Variants in VIRMA observed in about 807,000 individuals in gnomAD.
VIRMA encodes the protein protein virilizer homolog.
A neutral mutation model predicts 182.4 loss-of-function variants in VIRMA; 65 were observed. That is an observed-to-expected ratio of 0.36 (90% CI 0.29 to 0.44). The LOEUF is 0.44. VIRMA is among the 20% of genes least tolerant of loss of function. VIRMA has a pLI of 1.00. For missense variants in VIRMA, 1,752 were observed against 2,158.1 expected, an observed-to-expected ratio of 0.81 and a Z score of 3.73; for synonymous variants, 709 against 743.1, an observed-to-expected ratio of 0.95 and a Z score of 0.75.
At chr8:94,514,060 A>G (rs1313082657) in intron 11 of VIRMA, among the ~76,000 whole-genome samples, 1 of 150,572 alleles carries the variant, frequency 6.6e-6, no homozygotes, top group Non-Finnish European at 1.5e-5. Flanking sequence ...CAATTCCAAA[A>G]CCAAGATGGC....
At chr8:94,538,193 G>C (rs1815407930) in intron 3 of VIRMA, 67 bp downstream of exon 3, 3 of 998,624 alleles carry the variant, frequency 3.0e-6, no homozygotes, top group Non-Finnish European at 4.8e-6. Flanking sequence ...TCTATCTAAA[G>C]AATCAATCAA....
At chr8:94,546,444 T>C (rs1379583184) in intron 1 of VIRMA, among the ~76,000 whole-genome samples, 1 of 151,288 alleles carries the variant, frequency 6.6e-6, no homozygotes, top group Non-Finnish European at 1.5e-5. Flanking sequence ...TAAGTCCTAT[T>C]GATTAAAGCT....
chr8:94,503,303 G>A (rs1814055303), intron 16 of VIRMA, among the ~76,000 whole-genome samples: 1 of 152,210 alleles, frequency 6.6e-6, no homozygotes, highest in African/African-American at 2.4e-5. Flanking sequence ...AATCCTAGAA[G>A]ATAGCACTTC....
intron 19 of VIRMA, among the ~76,000 whole-genome samples, 198 bp from the exon 20 acceptor site, chr8:94,495,154 C>T (rs1813727270): frequency 6.6e-6 from 1 of 152,006 alleles, no homozygotes; most frequent in African/African-American, 2.4e-5. Context: ...GTGTGTACCA[C>T]CACACCCAGC....
At chr8:94,539,398 T>C (rs968558306) in intron 2 of VIRMA, among the ~76,000 whole-genome samples, 1 of 152,182 alleles carries the variant, frequency 6.6e-6, no homozygotes, top group Non-Finnish European at 1.5e-5. Flanking sequence ...TTGGTTAATA[T>C]CAGAGCCTAT....
At chr8:94,522,634 A>G (rs932964380) in intron 8 of VIRMA, among the ~76,000 whole-genome samples, 5 of 152,142 alleles carry the variant, frequency 3.3e-5, no homozygotes, top group Non-Finnish European at 7.3e-5. Flanking sequence ...CCCTTCGCCT[A>G]CTAGGTCCTG....
rs143324426 is a variant in VIRMA at position 94,526,448 on chromosome 8, G to A, written c.1796C>T (p.Pro599Leu). ...DTDAGLERTNPEYENEVEASM... is the reference protein window; with the variant it reads ...DTDAGLERTNLEYENEVEASM... ...AGCTTCCACCTCATTTTCATATTCT[G>A]GGTTTGTTCTCTCAAGTCCAGCATC... Residue 599 changes from proline to leucine, a missense_variant, in exon 8 of 24, where the codon CCA becomes CTA. Physicochemically the swap from Pro to Leu is moderately conservative, Grantham distance 98 (BLOSUM62 -3). Coordinates refer to ENST00000297591, the MANE Select transcript of VIRMA (RefSeq NM_015496.5). The A allele has an allele frequency of 2.0e-5, 32 of 1,613,706 alleles. No individual in the cohort carries two copies. The highest frequency in any genetic ancestry group is 4.0e-5 in the African/African-American group (3 of 74,842).
rs1813753048 is a variant in VIRMA at position 94,495,775 on chromosome 8, T to C, written c.4500A>G (p.Pro1500=). 3 of 1,614,006 alleles carry C rather than the reference T, an allele frequency of 1.9e-6. No individual in the cohort carries two copies. The highest frequency in any genetic ancestry group is 2.5e-6 in the Non-Finnish European group (3 of 1,179,926). ...GAAGAGATTCTGGAGCTGAAAGTAC[T>C]GGTTCTACATCCTGGTCACTGAGAG... ...PLPLSDQDVE[P]VLSAPESLQN... The change falls in exon 19 of 24, where the codon CCA becomes CCG. Residue 1500 remains proline, a synonymous_variant. Transcript: ENST00000297591.
intron 4 of VIRMA, among the ~76,000 whole-genome samples, chr8:94,536,176 G>A (rs1409586709): frequency 2.0e-5 from 3 of 152,226 alleles, no homozygotes; most frequent in African/African-American, 7.2e-5. Flanking sequence ...ACTACACAGG[G>A]AAACTGGGGA....
chr8:94,515,209 G>T (rs1380220856), intron 10 of VIRMA, among the ~76,000 whole-genome samples: 3 of 151,308 alleles, frequency 2.0e-5, no homozygotes, highest in Non-Finnish European at 4.4e-5. Context: ...CAATTCTCCT[G>T]CCTCAGCCTC....
At chr8:94,549,537 A>G (rs2130402319) in intron 1 of VIRMA, among the ~76,000 whole-genome samples, 1 of 152,294 alleles carries the variant, frequency 6.6e-6, no homozygotes, top group South Asian at 2.1e-4. Flanking sequence ...TCCTGTCTCT[A>G]AAACTAGAAT....
At chr8:94,542,934 G>A (rs898668644) in intron 2 of VIRMA, among the ~76,000 whole-genome samples, 1 of 151,892 alleles carries the variant, frequency 6.6e-6, no homozygotes, top group African/African-American at 2.4e-5. Flanking sequence ...TTTTGAGACA[G>A]TTTCACTCTT....
chr8:94,531,004 G>A lies in VIRMA; in HGVS notation c.566C>T (p.Pro189Leu). The A allele has an allele frequency of 6.2e-7, 1 of 1,603,420 alleles. No homozygotes were observed. The highest frequency in any genetic ancestry group is 8.5e-7 in the Non-Finnish European group (1 of 1,175,150). The change falls in exon 6 of 24, where the codon CCT (proline) becomes CTT (leucine). Residue 189 changes from proline to leucine, a missense_variant. Around this residue, in one of 11 missense-constraint regions of VIRMA, gnomAD observed 114 missense variants for 106.9 expected, o/e 1.07. Transcript: ENST00000297591. ...ATCATCTTCATCATCATCAGGTGGA[G>A]GGGGTCCTGGAGGAGTTCTTGGTCC... ...PRGPRTPPGP[P>L]PPDDDEDDPV...
chr8:94,496,971 T>C (rs1563678852), intron 17 of VIRMA: 1 of 152,384 alleles, frequency 6.6e-6, no homozygotes, highest in Non-Finnish European at 1.5e-5. Context: ...AGTGATAACA[T>C]TTCAATACCA....
At chr8:94,545,713 A>G (rs1186056993) in intron 1 of VIRMA, among the ~76,000 whole-genome samples, 3 of 152,168 alleles carry the variant, frequency 2.0e-5, no homozygotes, top group Non-Finnish European at 2.9e-5. Context: ...TAGGCAAACA[A>G]GGGAGAAGGC....
At position 94,527,066 on chromosome 8, in the gene VIRMA, C is replaced by T. The variant is rs1340215435; in HGVS notation, c.1178G>A (p.Arg393Lys). Residue 393 changes from arginine to lysine, a missense_variant, in exon 8 of 24, where the codon AGA becomes AAA. By Grantham distance (26) the Arg-to-Lys change is conservative (BLOSUM62 2). This residue lies in a region of VIRMA where 401 missense variants were observed against 455.1 expected (regional missense o/e 0.88). Coordinates refer to ENST00000297591, the MANE Select transcript of VIRMA (RefSeq NM_015496.5). ...VKLTELLDLY[R>K]EDRGAKWVTA... ...TACCCATTTTGCACCTCTATCTTCT[C>T]TATACAAATCTAAGAGTTCTGTTAA... is the stretch of plus-strand genomic sequence containing the variant. The T allele has an allele frequency of 1.2e-6, 2 of 1,614,202 alleles. No homozygotes were observed. Among genetic ancestry groups the T allele is most frequent in the Non-Finnish European group, 1.7e-6 (2 of 1,180,030 alleles).
intron 5 of VIRMA, chr8:94,533,900 T>A (rs1815251382): frequency 6.6e-6 from 1 of 152,126 alleles, no homozygotes; most frequent in South Asian, 2.1e-4. Context: ...CAACTTCTTT[T>A]TTTTTAAATA....
intron 16 of VIRMA, among the ~76,000 whole-genome samples, chr8:94,505,376 C>T (rs567580577): frequency 2.8e-4 from 40 of 143,124 alleles, no homozygotes; most frequent in Non-Finnish European, 5.1e-4. Context: ...TATCTTCCCT[C>T]TTCCTTCTCC....
At chr8:94,513,014 T>C (rs752587732) in intron 11 of VIRMA, among the ~76,000 whole-genome samples, 18 of 152,226 alleles carry the variant, frequency 1.2e-4, no homozygotes, top group Admixed American at 9.8e-4. Context: ...TCAGTTTTCT[T>C]AGCTTTCACA....
Sources: gnomAD v4.1 joint callset for allele counts (sites outside exome capture counted in the v4.1 genomes callset) on GRCh38, gnomAD v4.1.1 for gene constraint, gnomAD v4.1.1 regional missense constraint, MANE v1.5 for transcripts, NCBI Gene and HGNC (gene_info 2026-07-23, HGNC 2026-07-21) for gene names.